ERGIC1: variants seen among roughly 807,000 people sequenced by gnomAD.
ERGIC1 encodes endoplasmic reticulum-Golgi intermediate compartment protein 1.
ERGIC1 carries 19 observed loss-of-function variants against 38.3 expected under a neutral mutation model. The ratio of observed to expected loss-of-function variants is 0.50; its 90% CI spans 0.35 to 0.73. ERGIC1 has a LOEUF of 0.73. Ranked by LOEUF, ERGIC1 falls within the 30% of genes least tolerant of loss-of-function variation. The pLI is 0.01. For synonymous variants in ERGIC1, 124 were observed against 157.6 expected, an observed-to-expected ratio of 0.79 and a Z score of 1.60; for missense variants, 294 against 389.2, an observed-to-expected ratio of 0.76 and a Z score of 2.06.
intron 1 of ERGIC1, among the ~76,000 whole-genome samples, chr5:172,835,690 T>C (rs772012624): frequency 6.6e-6 from 1 of 152,112 alleles, no homozygotes; most frequent in Non-Finnish European, 1.5e-5. Context: ...CCCCATAGCA[T>C]GGGATATATT....
chr5:172,931,884 A>T, intron 7 of ERGIC1, among the ~76,000 whole-genome samples: 1 of 133,296 alleles, frequency 7.5e-6, no homozygotes, highest in Non-Finnish European at 1.6e-5. Context: ...TTTGAGACAG[A>T]GTCTTGCTCT....
intron 1 of ERGIC1, among the ~76,000 whole-genome samples, chr5:172,847,739 C>T (rs1445317387): frequency 2.6e-5 from 4 of 152,146 alleles, no homozygotes; most frequent in Non-Finnish European, 4.4e-5. Flanking sequence ...GGTCTCGATC[C>T]GTTGACCTCG....
intron 3 of ERGIC1, among the ~76,000 whole-genome samples, chr5:172,909,096 C>T (rs181493688): frequency 6.6e-6 from 1 of 150,922 alleles, no homozygotes. Flanking sequence ...TTGAATCTGT[C>T]TGAAAGATAT....
At chr5:172,893,939 A>ATATATATATATATATATACATATATG (rs1249616716) in intron 2 of ERGIC1, among the ~76,000 whole-genome samples, 1 of 35,774 alleles carries the variant, frequency 2.8e-5, no homozygotes, top group Non-Finnish European at 7.0e-5. Context: ...GTGTGTGTAT[A>ATATATATATATATATATACATATATG]TATATATATA....
intron 1 of ERGIC1, among the ~76,000 whole-genome samples, chr5:172,878,450 A>G (rs1051475448): frequency 4.6e-5 from 7 of 152,190 alleles, no homozygotes; most frequent in Non-Finnish European, 7.3e-5. Context: ...AAAGAATGCT[A>G]CTGTCTACCA....
chr5:172,923,883 C>T (rs1354209323), intron 5 of ERGIC1, 122 bp from the exon 6 acceptor site: 16 of 833,634 alleles, frequency 1.9e-5, no homozygotes, highest in Non-Finnish European at 3.2e-5. Context: ...ATGATACAAG[C>T]AGGATCCAAA....
intron 5 of ERGIC1, among the ~76,000 whole-genome samples, chr5:172,920,999 G>A (rs985396037): frequency 6.6e-6 from 1 of 152,168 alleles, no homozygotes; most frequent in Admixed American, 6.5e-5. Context: ...TTTTCCTCAC[G>A]CCCTGCCTGT....
chr5:172,895,569 G>C (rs1317814040), intron 2 of ERGIC1, among the ~76,000 whole-genome samples: 3 of 152,042 alleles, frequency 2.0e-5, no homozygotes, highest in Non-Finnish European at 4.4e-5. Flanking sequence ...TGTCTTTCTG[G>C]ATATCAGTCT....
intron 1 of ERGIC1, among the ~76,000 whole-genome samples, chr5:172,857,596 C>T (rs1581516326): frequency 1.7e-5 from 2 of 118,408 alleles, no homozygotes; most frequent in Admixed American, 8.3e-5. Flanking sequence ...GTGCCCCCCC[C>T]ACCCACCCTT....
At chr5:172,839,805 A>G (rs1475139081) in intron 1 of ERGIC1, among the ~76,000 whole-genome samples, 1 of 152,106 alleles carries the variant, frequency 6.6e-6, no homozygotes, top group Non-Finnish European at 1.5e-5. Flanking sequence ...ACCCCACTTT[A>G]CAGGTGAGCC....
At chr5:172,880,259 A>G (rs1364293192) in intron 1 of ERGIC1, among the ~76,000 whole-genome samples, 2 of 151,710 alleles carry the variant, frequency 1.3e-5, no homozygotes, top group Admixed American at 6.6e-5. Context: ...ATGGTCTCGA[A>G]CTCCTGATCT....
At chr5:172,898,498 A>G (rs1156754010) in intron 3 of ERGIC1, 1 of 152,250 alleles carries the variant, frequency 6.6e-6, no homozygotes, top group Non-Finnish European at 1.5e-5. Flanking sequence ...CTCCCCTGGC[A>G]TGGGAGAGTT....
chr5:172,867,633 A>T (rs111308422), intron 1 of ERGIC1: 3,962 of 341,450 alleles, frequency 0.012, 113 homozygotes, highest in African/African-American at 0.076. Flanking sequence ...GAGGGCACTC[A>T]CCTCTCCCTT....
chr5:172,944,164 T>C (rs1764069257), intron 9 of ERGIC1, among the ~76,000 whole-genome samples: 1 of 152,196 alleles, frequency 6.6e-6, no homozygotes, highest in Admixed American at 6.5e-5. Context: ...CCCAGAGCAG[T>C]GGTGCATGCA....
At chr5:172,878,841 G>C (rs747680523) in intron 1 of ERGIC1, among the ~76,000 whole-genome samples, 1 of 152,138 alleles carries the variant, frequency 6.6e-6, no homozygotes, top group African/African-American at 2.4e-5. Flanking sequence ...CAGCCCCCGG[G>C]CCAGTGGTTC....
At chr5:172,835,274 G>A (rs1002759238) in intron 1 of ERGIC1, among the ~76,000 whole-genome samples, 1 of 152,186 alleles carries the variant, frequency 6.6e-6, no homozygotes, top group African/African-American at 2.4e-5. Context: ...GGGAGGAGCT[G>A]GATTAGAATC....
intron 1 of ERGIC1, among the ~76,000 whole-genome samples, chr5:172,855,045 G>A (rs1339085343): frequency 6.6e-6 from 1 of 152,190 alleles, no homozygotes; most frequent in African/African-American, 2.4e-5. Context: ...GGGTTCTGGG[G>A]CTCCTGAAAT....
intron 1 of ERGIC1, among the ~76,000 whole-genome samples, chr5:172,873,615 G>A (rs1489609529): frequency 6.6e-6 from 1 of 152,240 alleles, no homozygotes; most frequent in Non-Finnish European, 1.5e-5. Context: ...CCAGTGGGGA[G>A]CTTTGGGGAG....
chr5:172,910,690 A>G (rs1225363729), intron 4 of ERGIC1, among the ~76,000 whole-genome samples: 3 of 151,896 alleles, frequency 2.0e-5, no homozygotes, highest in Non-Finnish European at 4.4e-5. Flanking sequence ...ATGCCAAGCT[A>G]ATTTTTGTAT....
Sources: gnomAD v4.1 joint callset for allele counts (sites outside exome capture counted in the v4.1 genomes callset) on GRCh38, gnomAD v4.1.1 for gene constraint, MANE v1.5 for transcripts, NCBI Gene and HGNC (gene_info 2026-07-23, HGNC 2026-07-21) for gene names.